Variants in SOD2 observed in about 807,000 individuals in gnomAD.
SOD2 encodes superoxide dismutase [Mn], mitochondrial.
A neutral mutation model predicts 27.0 loss-of-function variants in SOD2; 11 were observed. The ratio of observed to expected loss-of-function variants is 0.41; its 90% CI spans 0.26 to 0.67. The LOEUF (loss-of-function observed/expected upper bound fraction) is 0.67, where lower values mean the gene tolerates loss of function less well. SOD2 is among the 30% of genes least tolerant of loss of function. SOD2 has a pLI of 0.34. For synonymous variants in SOD2, 105 were observed against 103.0 expected (o/e 1.02, Z -0.12); for missense variants, 250 against 274.5 (o/e 0.91, Z 0.63).
chr6:159,688,017 A>C (rs1780271375), intron 3 of SOD2, 109 bp downstream of exon 3: 2 of 725,894 alleles, frequency 2.8e-6, no homozygotes, highest in East Asian at 2.5e-5. Context: ...TGTCTCAAAA[A>C]AACAACAACA....
intron 1 of SOD2, 38 bp downstream of exon 1, chr6:159,693,107 C>A (rs1442113642): frequency 1.3e-6 from 2 of 1,524,038 alleles, no homozygotes; most frequent in African/African-American, 2.9e-5. Flanking sequence ...CGAGCCCCTT[C>A]GCCCTTGGGG....
intron 1 of SOD2, among the ~76,000 whole-genome samples, chr6:159,733,428 G>A (rs1778710013): frequency 6.6e-6 from 1 of 150,940 alleles, no homozygotes; most frequent in African/African-American, 2.4e-5. Flanking sequence ...ACCAGCCTGG[G>A]CAGCATGGCG....
At chr6:159,687,753 A>G in intron 3 of SOD2, among the ~76,000 whole-genome samples, 1 of 152,158 alleles carries the variant, frequency 6.6e-6, no homozygotes, top group Middle Eastern at 3.4e-3. Flanking sequence ...TCATGCCTGT[A>G]ATCCCAGCAC....
At chr6:159,708,755 A>G (rs985443122) in intron 1 of SOD2, among the ~76,000 whole-genome samples, 4 of 152,218 alleles carry the variant, frequency 2.6e-5, no homozygotes, top group Non-Finnish European at 5.9e-5. Context: ...TCTTCACAGA[A>G]TTGGAAAAAA....
rs139336939 is a variant in SOD2 at position 159,692,836 on chromosome 6, C to G, written c.51G>C (p.Leu17Phe). 1.2e-6 allele frequency: 2 copies of G among 1,612,722 alleles called. No homozygotes were observed. ...CGTSRQLAPV[L>F]GYLGSRQKHS... Reference sequence around the variant, plus strand: ...GCTTCTGCCTGGAGCCCAGATACCCCAAAACCGGAGCCAGCTGCCTGCTGG... The same window carrying G: ...GCTTCTGCCTGGAGCCCAGATACCCGAAAACCGGAGCCAGCTGCCTGCTGG... The change falls in exon 2 of 5, where the codon TTG becomes TTC. Residue 17 changes from leucine (L) to phenylalanine (F), a missense_variant. Leu to Phe is a conservative substitution (Grantham distance 22). Transcript: ENST00000538183.
upstream of SOD2, chr6:159,727,610 C>G (rs1189752873): frequency 1.0e-6 from 1 of 986,200 alleles, no homozygotes; most frequent in Non-Finnish European, 1.2e-6. Context: ...AGCTGTCCGG[C>G]TGCGCGGTGG....
intron 3 of SOD2, among the ~76,000 whole-genome samples, chr6:159,686,129 G>T (rs979309899): frequency 1.3e-5 from 2 of 152,060 alleles, no homozygotes; most frequent in Non-Finnish European, 2.9e-5. Flanking sequence ...TATAATTCTA[G>T]ATTAGTCACA....
chr6:159,721,203 G>C (rs111665509), intron 1 of SOD2, among the ~76,000 whole-genome samples: 7,431 of 151,728 alleles, frequency 0.049, 307 homozygotes, highest in African/African-American at 0.1. Context: ...GAGTAGCTGG[G>C]ACCACTGGTG....
At chr6:159,740,727 CAG>C (rs1242075000) in intron 1 of SOD2, among the ~76,000 whole-genome samples, 1 of 137,358 alleles carries the variant, frequency 7.3e-6, no homozygotes. Flanking sequence ...TTTTTTAAGA[CAG>C]AGTCTCGCTC....
At chr6:159,748,101 G>A, upstream of SOD2, 2 of 1,455,848 alleles carry the variant, frequency 1.4e-6, no homozygotes, top group Non-Finnish European at 1.9e-6. The surrounding 1 kb of genome is among the most constrained non-coding windows in gnomAD (Gnocchi z 5.6). Context: ...TGAAAGAGTT[G>A]GTAAATCAAG....
At chr6:159,754,266 T>C (rs528602110) in intron 1 of SOD2, among the ~76,000 whole-genome samples, 1 of 152,212 alleles carries the variant, frequency 6.6e-6, no homozygotes, top group Admixed American at 6.5e-5. Flanking sequence ...CTTTTCAAAA[T>C]CTTCAGGAAT....
Position 159,715,588 on chromosome 6 carries a change from A to G in SOD2, c.-116+11541T>C, listed in dbSNP as rs117036724. 1.4e-3 allele frequency among the ~76,000 whole-genome samples: 211 copies of G among 152,334 alleles called. 6 individuals carry two copies. In the East Asian group the frequency reaches 0.029, roughly 21 times the overall value. On this transcript the variant is annotated intron_variant, in intron 1 of 2. Coordinates refer to the SOD2 transcript ENST00000401980. The stretch of plus-strand genomic sequence containing the variant: ...CTATTAGCAAGCAACAGAGGCAAAC[A>G]GAATAGTATTTTGAAAAGTTCTGAA...
chr6:159,734,854 T>C (rs530774984), intron 1 of SOD2, among the ~76,000 whole-genome samples: 1 of 152,328 alleles, frequency 6.6e-6, no homozygotes, highest in East Asian at 1.9e-4. Flanking sequence ...TACTTTTTTT[T>C]CCAACCTTGT....
Position 159,714,007 on chromosome 6 carries a change from G to A in SOD2, c.-116+13122C>T. ...GCATCGTGGCGACTGTTGAGCTCTT[G>A]GTGGCAAGTTTGGCGGAATGCAATT... On this transcript the variant is annotated intron_variant, in intron 1 of 2. Transcript: ENST00000401980. 4 of 747,962 alleles carry A rather than the reference G, an allele frequency of 5.3e-6. 1 individual carries two copies. The South Asian group carries it at 7.6e-5, about 14-fold the overall frequency. 46.3% of individuals were successfully genotyped at this position (747,962 alleles called of 1,614,324 possible). A position where few individuals can be genotyped will look rare whatever the true frequency, so the allele number is the denominator to read the frequency against.
chr6:159,746,253 A>G (rs1779567275), upstream of SOD2, among the ~76,000 whole-genome samples: 2 of 152,228 alleles, frequency 1.3e-5, no homozygotes, highest in Admixed American at 1.3e-4. Context: ...TAAAGAGTAG[A>G]AAGAATGGGA....
chr6:159,751,079 G>A (rs1187210165), intron 1 of SOD2, among the ~76,000 whole-genome samples: 3 of 152,100 alleles, frequency 2.0e-5, no homozygotes, highest in South Asian at 4.1e-4. Context: ...TGGGTTAATC[G>A]ATTTTAGGAA....
chr6:159,737,106 G>C (rs1426304157), intron 1 of SOD2, among the ~76,000 whole-genome samples: 1 of 152,134 alleles, frequency 6.6e-6, no homozygotes. Context: ...GGAGTGCAGT[G>C]GTGCAATCTT....
Position 159,679,220 on chromosome 6 carries a change from T to C in SOD2, c.*3273A>G, listed in dbSNP as rs1022797819. 5 of 152,218 alleles carry C rather than the reference T, an allele frequency of 3.3e-5. No individual in the cohort carries two copies. Among genetic ancestry groups the C allele is most frequent in the Non-Finnish European group, 7.3e-5 (5 of 68,030 alleles). 9.4% of individuals were successfully genotyped at this position (152,218 alleles called of 1,614,324 possible). The stretch of plus-strand genomic sequence containing the variant: ...CAAACAAAAATTATCCAGGACCTTA[T>C]AGGGTTTTCAGTATGTACCAGGCTT... On this transcript the variant is annotated 3_prime_UTR_variant, in exon 5 of 5. Coordinates refer to ENST00000538183, the MANE Select transcript of SOD2 (RefSeq NM_000636.4).
intron 1 of SOD2, among the ~76,000 whole-genome samples, chr6:159,721,674 C>G (rs1204099805): frequency 8.8e-6 from 1 of 113,540 alleles, no homozygotes; most frequent in Non-Finnish European, 1.7e-5. Flanking sequence ...CTGCGGCTGA[C>G]CTTTTTTTTT....
Sources: gnomAD v4.1 joint callset for allele counts (sites outside exome capture counted in the v4.1 genomes callset) on GRCh38, gnomAD v4.1.1 for gene constraint, Gnocchi (gnomAD v3.1) non-coding constraint, MANE v1.5 for transcripts, NCBI Gene and HGNC (gene_info 2026-07-23, HGNC 2026-07-21) for gene names.